PBRM1: variants seen among roughly 807,000 people sequenced by gnomAD.
The protein encoded by PBRM1 is polybromo 1.
A neutral mutation model predicts 194.5 loss-of-function variants in PBRM1; 27 were observed. The ratio of observed to expected loss-of-function variants is 0.14; its 90% CI spans 0.10 to 0.19. The LOEUF is 0.19. Ranked by LOEUF, PBRM1 falls within the 10% of genes least tolerant of loss-of-function variation. The probability of loss-of-function intolerance (pLI) is 1.00; values close to 1 mark genes in which losing one functional copy is unlikely to be tolerated. For missense variants in PBRM1, 1,466 were observed against 2,077.2 expected (o/e 0.71, Z 5.72); for synonymous variants, 655 against 693.2 (o/e 0.94, Z 0.87).
At chr3:52,658,971 T>C (rs1341346148) in intron 4 of PBRM1, among the ~76,000 whole-genome samples, 2 of 152,242 alleles carry the variant, frequency 1.3e-5, no homozygotes, top group South Asian at 2.1e-4. Context: ...TTTCTATATC[T>C]GCTGTTCACA....
intron 14 of PBRM1, among the ~76,000 whole-genome samples, chr3:52,615,913 A>T (rs2094927680): frequency 6.6e-6 from 1 of 152,188 alleles, no homozygotes; most frequent in Admixed American, 6.5e-5. Context: ...CTTAATCTAT[A>T]AAAAAACAAT....
chr3:52,671,334 G>A (rs754954969), intron 2 of PBRM1, among the ~76,000 whole-genome samples: 4 of 152,170 alleles, frequency 2.6e-5, no homozygotes, highest in Non-Finnish European at 5.9e-5. Flanking sequence ...CATTATCTTC[G>A]AGGTTGTAAC....
chr3:52,683,593 C>A (rs953578153), upstream of PBRM1, among the ~76,000 whole-genome samples: 1 of 151,922 alleles, frequency 6.6e-6, no homozygotes, highest in African/African-American at 2.4e-5. Flanking sequence ...GTGGGCAGAT[C>A]ACCTGAGGTC....
chr3:52,593,344 C>T (rs2153833387), intron 17 of PBRM1, among the ~76,000 whole-genome samples: 1 of 152,312 alleles, frequency 6.6e-6, no homozygotes, highest in East Asian at 1.9e-4. Flanking sequence ...CCTCCACCTC[C>T]TTGTGCCTCA....
At chr3:52,678,694 T>TA in intron 1 of PBRM1, 97 bp from the exon 3 acceptor site, 1 of 698,664 alleles carries the variant, frequency 1.4e-6, no homozygotes, top group Non-Finnish European at 2.4e-6. Flanking sequence ...AAAAGGCAAG[T>TA]AGAGAAGAAA....
intron 5 of PBRM1, 94 bp from the exon 7 acceptor site, chr3:52,651,904 C>A: frequency 2.6e-6 from 2 of 765,990 alleles, no homozygotes; most frequent in South Asian, 3.4e-5. Context: ...GTTCAAACAA[C>A]CAGTGAAGCA....
intron 5 of PBRM1, among the ~76,000 whole-genome samples, chr3:52,654,007 G>A (rs2096561467): frequency 6.6e-6 from 1 of 152,186 alleles, no homozygotes; most frequent in South Asian, 2.1e-4. Flanking sequence ...TGTCCTTGAA[G>A]CTTTCACAAC....
chr3:52,587,534 G>A lies in PBRM1; in HGVS notation c.2966-24C>T, dbSNP rs535136298. 4.1e-5 allele frequency: 63 copies of A among 1,540,746 alleles called. No individual in the cohort carries two copies. In the East Asian group the frequency reaches 1.3e-3, roughly 33 times the overall value. ...ACCTCAAAAATGGGGGGTGGGGGAA[G>A]GGGAAGAGAAAGAGAATCATTGTTA... On this transcript the variant is annotated intron_variant, in intron 18 of 29. Coordinates refer to ENST00000296302, the Ensembl canonical transcript of PBRM1.
chr3:52,561,861 C>T (rs1224211087), exon 25 of PBRM1: 1 of 1,614,132 alleles, frequency 6.2e-7, no homozygotes, highest in Admixed American at 1.7e-5. Flanking sequence ...GGTGTTGGGC[C>T]TTAATCACAG....
chr3:52,637,571 T>G (rs2095867154), intron 10 of PBRM1, among the ~76,000 whole-genome samples: 1 of 151,688 alleles, frequency 6.6e-6, no homozygotes, highest in Admixed American at 6.6e-5. Context: ...AGGTGGAGGT[T>G]GCAGTGAGCT....
intron 5 of PBRM1, 59 bp downstream of exon 6, chr3:52,658,140 T>C (rs2096645118): frequency 3.6e-6 from 3 of 823,092 alleles, no homozygotes; most frequent in South Asian, 2.7e-5. Context: ...ATTAATACAA[T>C]TCTTGAAGTA....
intron 10 of PBRM1, among the ~76,000 whole-genome samples, chr3:52,640,008 A>C (rs1324928523): frequency 1.3e-5 from 2 of 152,202 alleles, no homozygotes; most frequent in Non-Finnish European, 1.5e-5. Flanking sequence ...CTTCCAGACT[A>C]AGGGTAGTGT....
chr3:52,592,483 T>C lies in PBRM1; in HGVS notation c.2780-3228A>G, dbSNP rs2153829423. Among the ~76,000 whole-genome samples the C allele has an allele frequency of 2.0e-5, 3 of 152,356 alleles. 1 individual carries two copies. In the South Asian group the frequency reaches 6.2e-4, roughly 32 times the overall value. Reference sequence around the variant, plus strand: ...ATCACATTTATTGATTTGCGTATGCTGAACCAACCTTGCATCCCAGGGATA... The same window carrying C: ...ATCACATTTATTGATTTGCGTATGCCGAACCAACCTTGCATCCCAGGGATA... On this transcript the variant is annotated intron_variant, in intron 17 of 29. Transcript: ENST00000296302.
intron 5 of PBRM1, among the ~76,000 whole-genome samples, chr3:52,653,781 G>A (rs554241312): frequency 2.1e-5 from 3 of 143,048 alleles, no homozygotes; most frequent in Non-Finnish European, 4.6e-5. Flanking sequence ...GTGGTGGCGG[G>A]TGCCTGTAAT....
rs765439547 is a variant in PBRM1, at chr3:52,666,720, G to A, written c.384+1778C>T. Among the ~76,000 whole-genome samples, 11 of 151,516 alleles carry A rather than the reference G, an allele frequency of 7.3e-5. No homozygotes were observed. The South Asian group carries it at 8.3e-4, about 11-fold the overall frequency. On this transcript the variant is annotated intron_variant, in intron 3 of 29. Transcript: ENST00000296302. ...AGCCTGGGCAACACGGTGAAATCCCGTCTCTATCAAAAATACAAAAAATTA... is the reference window on the plus strand; with the variant it reads ...AGCCTGGGCAACACGGTGAAATCCCATCTCTATCAAAAATACAAAAAATTA...
At chr3:52,637,545 A>T (rs2095866063) in intron 10 of PBRM1, among the ~76,000 whole-genome samples, 1 of 151,912 alleles carries the variant, frequency 6.6e-6, no homozygotes. Flanking sequence ...ATGTGGAAAG[A>T]TTGCTTGAGC....
At chr3:52,602,672 C>T (rs1220662712) in intron 17 of PBRM1, among the ~76,000 whole-genome samples, 1 of 152,202 alleles carries the variant, frequency 6.6e-6, no homozygotes, top group African/African-American at 2.4e-5. Flanking sequence ...TTCCCCTCTC[C>T]CCTAAACCCC....
intron 17 of PBRM1, among the ~76,000 whole-genome samples, chr3:52,597,942 G>A (rs1182568270): frequency 6.6e-6 from 1 of 152,142 alleles, no homozygotes; most frequent in African/African-American, 2.4e-5. Flanking sequence ...GACCTCAGGT[G>A]ATCTACCCAC....
chr3:52,654,387 A>G (rs752482092), intron 5 of PBRM1, among the ~76,000 whole-genome samples: 1 of 152,172 alleles, frequency 6.6e-6, no homozygotes, highest in Non-Finnish European at 1.5e-5. Context: ...AGTTCAGAGG[A>G]CAAATTATGG....
Sources: allele counts gnomAD v4.1 joint callset (sites outside exome capture counted in the v4.1 genomes callset), GRCh38; gene constraint gnomAD v4.1.1; transcripts MANE v1.5; gene names NCBI Gene and HGNC (gene_info 2026-07-23, HGNC 2026-07-21).